The following WASF3 variants were observed in gnomAD, a reference collection of about 807,000 sequenced individuals.
WASF3 encodes the protein WASP family member 3.
WASF3 carries 11 observed loss-of-function variants against 46.6 expected under a neutral mutation model. The ratio of observed to expected loss-of-function variants is 0.24; its 90% CI spans 0.15 to 0.39. The LOEUF is 0.39. Ranked by LOEUF, WASF3 falls within the 10% of genes least tolerant of loss-of-function variation. The pLI is 1.00. For synonymous variants in WASF3, 242 were observed against 259.7 expected (o/e 0.93, Z 0.65); for missense variants, 576 against 669.8 (o/e 0.86, Z 1.55).
chr13:26,686,179 G>C lies in WASF3; in HGVS notation c.*334G>C, dbSNP rs1271311542. 4.5e-6 allele frequency: 1 copy of C among 220,256 alleles called. No homozygotes were observed. Among genetic ancestry groups the C allele is most frequent in the East Asian group, 9.4e-5 (1 of 10,656 alleles). 13.6% of individuals were successfully genotyped at this position (220,256 alleles called of 1,614,324 possible). On this transcript the variant is annotated 3_prime_UTR_variant, in exon 10 of 10. Coordinates refer to ENST00000335327, the MANE Select transcript of WASF3 (RefSeq NM_006646.6). ...ATCAATATAACTCTGCAGACTTGCTGTGTGTTTGTGAAGCTGCCTGGTGTT... is the reference window on the plus strand; with the variant it reads ...ATCAATATAACTCTGCAGACTTGCTCTGTGTTTGTGAAGCTGCCTGGTGTT...
intron 1 of WASF3, among the ~76,000 whole-genome samples, chr13:26,594,292 A>C (rs1443166029): frequency 1.3e-5 from 2 of 152,130 alleles, no homozygotes; most frequent in Admixed American, 6.6e-5. Flanking sequence ...CATTTGTTAG[A>C]TATCTGGTGG....
intron 1 of WASF3, among the ~76,000 whole-genome samples, chr13:26,601,616 C>A (rs1247577057): frequency 6.6e-6 from 1 of 152,174 alleles, no homozygotes; most frequent in Admixed American, 6.5e-5. Context: ...GCAAATGAAG[C>A]TTTAGTTAAA....
intron 1 of WASF3, among the ~76,000 whole-genome samples, chr13:26,608,049 G>A (rs577999376): frequency 2.7e-4 from 8 of 29,380 alleles, no homozygotes; most frequent in East Asian, 1.5e-3. Context: ...CCACCCCCCC[G>A]TCCCCCTTAA....
chr13:26,552,318 A>T, the WASF3 span, among the ~76,000 whole-genome samples: 1 of 152,290 alleles, frequency 6.6e-6, no homozygotes, highest in East Asian at 1.9e-4. Context: ...AATGTTTGTT[A>T]TTTTTACCTT....
intron 6 of WASF3, among the ~76,000 whole-genome samples, chr13:26,675,473 GAC>G (rs1470443176): frequency 2.5e-5 from 2 of 80,176 alleles, no homozygotes; most frequent in South Asian, 5.7e-4. Context: ...TTCCAGACTA[GAC>G]ACACATACAC....
chr13:26,574,141 C>T (rs1879721518), intron 1 of WASF3, among the ~76,000 whole-genome samples: 1 of 152,110 alleles, frequency 6.6e-6, no homozygotes, highest in Non-Finnish European at 1.5e-5. Flanking sequence ...GTAATGATTT[C>T]TTTGTGCCTT....
At chr13:26,666,866 CAAAAAAAAA>C (rs1168774717) in intron 4 of WASF3, among the ~76,000 whole-genome samples, 8 of 62,806 alleles carry the variant, frequency 1.3e-4, no homozygotes, top group African/African-American at 4.1e-4. Flanking sequence ...AAGACTGTCT[CAAAAAAAAA>C]AAAAAAAAAA....
chr13:26,560,129 AC>A (rs1477231531), intron 1 of WASF3, among the ~76,000 whole-genome samples: 2 of 149,840 alleles, frequency 1.3e-5, no homozygotes, highest in Non-Finnish European at 3.0e-5. Flanking sequence ...GAATCTCTCA[AC>A]TTCTCTTCTC....
chr13:26,578,993 C>CTTTTTTT (rs200299739), intron 1 of WASF3, among the ~76,000 whole-genome samples: 1,787 of 60,536 alleles, frequency 0.03, 127 homozygotes, highest in East Asian at 0.075. Flanking sequence ...GATACATTTC[C>CTTTTTTT]TTTTTTTTTT....
chr13:26,591,245 A>G (rs774884945), intron 1 of WASF3, among the ~76,000 whole-genome samples: 5 of 152,122 alleles, frequency 3.3e-5, no homozygotes, highest in African/African-American at 1.2e-4. Context: ...TTAGATTTTC[A>G]TCACACTGTG....
At chr13:26,658,642 G>T (rs566139045) in intron 3 of WASF3, among the ~76,000 whole-genome samples, 268 of 152,282 alleles carry the variant, frequency 1.8e-3, no homozygotes, top group African/African-American at 6.2e-3. Flanking sequence ...AAGAAACACT[G>T]GCATAGATCA....
intron 9 of WASF3, among the ~76,000 whole-genome samples, chr13:26,683,956 G>T (rs1471458275): frequency 2.6e-5 from 4 of 152,186 alleles, no homozygotes; most frequent in African/African-American, 7.2e-5. Context: ...TCTCGCCTGT[G>T]GGGAGCTGCA....
At chr13:26,656,797 A>G (rs1162925425) in intron 3 of WASF3, among the ~76,000 whole-genome samples, 1 of 152,182 alleles carries the variant, frequency 6.6e-6, no homozygotes. Context: ...ATACTACCAT[A>G]TATAATCTAT....
intron 2 of WASF3, among the ~76,000 whole-genome samples, chr13:26,628,177 C>A (rs1215286222): frequency 6.6e-6 from 1 of 152,100 alleles, no homozygotes; most frequent in African/African-American, 2.4e-5. Context: ...GCTCGCCAAT[C>A]CTGAGAAATA....
chr13:26,648,913 G>T (rs1331422071), intron 3 of WASF3, among the ~76,000 whole-genome samples: 1 of 152,164 alleles, frequency 6.6e-6, no homozygotes, highest in Non-Finnish European at 1.5e-5. Flanking sequence ...CGGAATGTCA[G>T]AAATACTTTC....
intron 2 of WASF3, among the ~76,000 whole-genome samples, chr13:26,632,364 G>A (rs1025419572): frequency 6.6e-6 from 1 of 152,142 alleles, no homozygotes; most frequent in Admixed American, 6.6e-5. Context: ...CTAGTTTATT[G>A]AGAGTTTTTA....
chr13:26,675,650 C>CTGTG (rs35156420), intron 6 of WASF3, among the ~76,000 whole-genome samples: 3,295 of 147,056 alleles, frequency 0.022, 64 homozygotes, highest in African/African-American at 0.043. Flanking sequence ...GATGCCATGT[C>CTGTG]TGTGTGTGTG....
chr13:26,595,934 G>A (rs1023691569), intron 1 of WASF3, among the ~76,000 whole-genome samples: 3 of 152,164 alleles, frequency 2.0e-5, no homozygotes, highest in African/African-American at 7.2e-5. Flanking sequence ...TTGCTATTAT[G>A]AGTAAAGCTG....
At chr13:26,567,521 A>G (rs182230294) in intron 1 of WASF3, among the ~76,000 whole-genome samples, 4 of 152,288 alleles carry the variant, frequency 2.6e-5, no homozygotes, top group South Asian at 2.1e-4. Context: ...TTAGTGCTGC[A>G]AGGCAGAGCT....
Sources: gnomAD v4.1 joint callset for allele counts (sites outside exome capture counted in the v4.1 genomes callset) on GRCh38, gnomAD v4.1.1 for gene constraint, MANE v1.5 for transcripts, NCBI Gene and HGNC (gene_info 2026-07-23, HGNC 2026-07-21) for gene names.